Variants in EDEM1 observed in about 807,000 individuals in gnomAD.
The protein encoded by EDEM1 is ER degradation-enhancing alpha-mannosidase-like protein 1.
EDEM1 carries 67 observed loss-of-function variants against 74.4 expected under a neutral mutation model. The observed-to-expected ratio is 0.90, with a 90% CI of 0.74 to 1.10. EDEM1 has a LOEUF of 1.10. Ranked by LOEUF, EDEM1 falls within the 50% of genes least tolerant of loss-of-function variation. The pLI is 0.00. For missense variants in EDEM1, 926 were observed against 851.6 expected, an observed-to-expected ratio of 1.09 and a Z score of -1.09; for synonymous variants, 382 against 335.9, an observed-to-expected ratio of 1.14 and a Z score of -1.50.
intron 6 of EDEM1, 132 bp from the exon 7 acceptor site, chr3:5,207,021 G>A (rs1398320567): frequency 8.0e-7 from 1 of 1,245,392 alleles, no homozygotes; most frequent in Non-Finnish European, 1.1e-6. Flanking sequence ...GTCTGCAGAG[G>A]TTTAAGGAAT....
intron 11 of EDEM1, 146 bp from the exon 12 acceptor site, chr3:5,215,683 C>A: frequency 1.4e-6 from 1 of 735,740 alleles, no homozygotes; most frequent in Non-Finnish European, 2.3e-6. Context: ...GCTGACCGTC[C>A]TGCAGTGTAC....
intron 3 of EDEM1, among the ~76,000 whole-genome samples, chr3:5,200,843 G>C (rs1374128438): frequency 6.7e-6 from 1 of 149,894 alleles, no homozygotes; most frequent in African/African-American, 2.5e-5. Flanking sequence ...AAATTACTTA[G>C]TATTTGTTGT....
intron 3 of EDEM1, 28 bp downstream of exon 3, chr3:5,199,723 A>G: frequency 6.4e-7 from 1 of 1,571,030 alleles, no homozygotes; most frequent in Admixed American, 1.8e-5. Flanking sequence ...CATAAAATGA[A>G]TTGGAGACTT....
rs2055266556 is a variant in EDEM1 at position 5,218,341 on chromosome 3, C to G, written c.*2423C>G. 1 of 148,190 alleles carries G rather than the reference C, an allele frequency of 6.7e-6. No individual in the cohort carries two copies. The highest frequency in any genetic ancestry group is 1.5e-5 in the Non-Finnish European group (1 of 67,358). 9.2% of individuals were successfully genotyped at this position (148,190 alleles called of 1,614,324 possible). On this transcript the variant is annotated 3_prime_UTR_variant, in exon 12 of 12. Transcript: ENST00000256497. The stretch of plus-strand genomic sequence containing the variant: ...GCCAGAAGGTTCTTTGAGCCAGTTT[C>G]AAAGGTTACTTGTTTTTTTTTTTTT...
rs144598199 is a variant in EDEM1, at chr3:5,194,590, T to G, written c.510-619T>G. Among the ~76,000 whole-genome samples the G allele has an allele frequency of 1.4e-3, 210 of 152,200 alleles. 1 individual carries two copies. Among genetic ancestry groups the G allele is most frequent in the African/African-American group, 4.9e-3 (205 of 41,504 alleles). Reference sequence around the variant, plus strand: ...CGTTTATGTAGCTCCAGTCAAGAAGTGAGAAAGGCCTCAATTCCTGCCTAG... The same window carrying G: ...CGTTTATGTAGCTCCAGTCAAGAAGGGAGAAAGGCCTCAATTCCTGCCTAG... On this transcript the variant is annotated intron_variant, in intron 1 of 11. Coordinates refer to ENST00000256497, the MANE Select transcript of EDEM1 (RefSeq NM_014674.3).
Position 5,213,327 on chromosome 3 carries a change from T to A in EDEM1, c.1689T>A (p.Asp563Glu). 6.2e-7 allele frequency: 1 copy of A among 1,613,370 alleles called. No homozygotes were observed. Among genetic ancestry groups the A allele is most frequent in the South Asian group, 1.1e-5 (1 of 90,878 alleles). ...TTCTCCGTTCCCTCTAGCTGTTTGATGAAGACAATCCAGTACACAAGTCTG... is the reference window on the plus strand; with the variant it reads ...TTCTCCGTTCCCTCTAGCTGTTTGAAGAAGACAATCCAGTACACAAGTCTG... ...ETCKYLYLLF[D>E]EDNPVHKSGT... Residue 563 changes from aspartate to glutamate, a missense_variant, in exon 11 of 12, where the codon GAT becomes GAA. Physicochemically the swap from Asp to Glu is conservative, Grantham distance 45 (BLOSUM62 2). Transcript: ENST00000256497.
intron 3 of EDEM1, among the ~76,000 whole-genome samples, chr3:5,201,363 C>T (rs1394003565): frequency 6.6e-6 from 1 of 151,992 alleles, no homozygotes; most frequent in African/African-American, 2.4e-5. Flanking sequence ...CCTTGTTGCC[C>T]AGGCTAGTCT....
At chr3:5,205,798 A>G (rs964278626) in intron 6 of EDEM1, among the ~76,000 whole-genome samples, 3 of 152,142 alleles carry the variant, frequency 2.0e-5, no homozygotes, top group African/African-American at 7.2e-5. Context: ...TCTGGGAATG[A>G]TATACCAATA....
At chr3:5,204,856 G>A (rs2055075976) in intron 5 of EDEM1, among the ~76,000 whole-genome samples, 1 of 152,166 alleles carries the variant, frequency 6.6e-6, no homozygotes, top group Non-Finnish European at 1.5e-5. Context: ...CCCCATGTTT[G>A]TGTCAGTAAA....
intron 2 of EDEM1, among the ~76,000 whole-genome samples, chr3:5,197,106 C>G (rs1277535869): frequency 2.7e-5 from 4 of 149,052 alleles, no homozygotes; most frequent in African/African-American, 9.9e-5. Context: ...TTTTATCCCT[C>G]CATCTTGCCT....
chr3:5,203,110 G>A lies in EDEM1; in HGVS notation c.1003G>A (p.Ala335Thr). ...GTGGGTGGCCAGACGAGCAGTGAAA[G>A]CCCTTTGGAACCTCCGGAGCAATGA... ...FEWVARRAVK[A>T]LWNLRSNDTG... Residue 335 changes from alanine (A) to threonine (T), a missense_variant, in exon 5 of 12, where the codon GCC becomes ACC. Ala to Thr is a moderately conservative substitution (Grantham distance 58). Transcript: ENST00000256497. The A allele has an allele frequency of 6.2e-7, 1 of 1,607,164 alleles. No individual in the cohort carries two copies. Among genetic ancestry groups the A allele is most frequent in the Non-Finnish European group, 8.5e-7 (1 of 1,176,886 alleles).
chr3:5,191,732 G>T (rs766779522), intron 1 of EDEM1, among the ~76,000 whole-genome samples: 10 of 152,134 alleles, frequency 6.6e-5, no homozygotes, highest in Non-Finnish European at 5.9e-5. Flanking sequence ...GAGGTATCAG[G>T]TAAGGAGTTA....
Position 5,216,155 on chromosome 3 carries a change from C to T in EDEM1, c.*237C>T, listed in dbSNP as rs2055232765. ...GAAGTGAGAAGATACATGGAAATTGCCCTCTTATGACATGTTGATGTTATA... is the reference window on the plus strand; with the variant it reads ...GAAGTGAGAAGATACATGGAAATTGTCCTCTTATGACATGTTGATGTTATA... On this transcript the variant is annotated 3_prime_UTR_variant, in exon 12 of 12. Transcript: ENST00000256497. 1 of 515,042 alleles carries T rather than the reference C, an allele frequency of 1.9e-6. No individual in the cohort carries two copies. 31.9% of individuals were successfully genotyped at this position (515,042 alleles called of 1,614,324 possible). A position where few individuals can be genotyped will look rare whatever the true frequency, so the allele number is the denominator to read the frequency against.
At chr3:5,198,866 T>G (rs1235321569) in intron 2 of EDEM1, among the ~76,000 whole-genome samples, 1 of 152,152 alleles carries the variant, frequency 6.6e-6, no homozygotes, top group African/African-American at 2.4e-5. Context: ...TAGAGTGGAA[T>G]GAAATAATTT....
chr3:5,191,180 C>G (rs2054898122), intron 1 of EDEM1, among the ~76,000 whole-genome samples: 1 of 152,116 alleles, frequency 6.6e-6, no homozygotes, highest in Non-Finnish European at 1.5e-5. Context: ...GAGGGTACTT[C>G]ACATCCCCAA....
intron 10 of EDEM1, among the ~76,000 whole-genome samples, chr3:5,212,901 A>G (rs573218289): frequency 5.4e-4 from 82 of 152,234 alleles, no homozygotes; most frequent in African/African-American, 1.6e-3. Context: ...GGTGGATAAA[A>G]CTTGGTCCCT....
chr3:5,192,855 C>T (rs1165776396), intron 1 of EDEM1, among the ~76,000 whole-genome samples: 1 of 151,750 alleles, frequency 6.6e-6, no homozygotes, highest in Non-Finnish European at 1.5e-5. Flanking sequence ...AGTAAATACC[C>T]CAGATCTTAG....
intron 9 of EDEM1, among the ~76,000 whole-genome samples, chr3:5,210,751 A>G (rs978638200): frequency 1.3e-5 from 2 of 151,984 alleles, no homozygotes; most frequent in South Asian, 2.1e-4. Flanking sequence ...TAATAAGTCA[A>G]TACTCAAATA....
At chr3:5,188,369 C>A in intron 1 of EDEM1, 55 bp downstream of exon 1, 1 of 1,361,806 alleles carries the variant, frequency 7.3e-7, no homozygotes, top group Non-Finnish European at 9.5e-7. Context: ...TTCCGCCCTC[C>A]GCGCCGGGGT....
Sources: gnomAD v4.1 joint callset for allele counts (sites outside exome capture counted in the v4.1 genomes callset) on GRCh38, gnomAD v4.1.1 for gene constraint, MANE v1.5 for transcripts, NCBI Gene and HGNC (gene_info 2026-07-23, HGNC 2026-07-21) for gene names.